Variants in RFX8 observed in about 807,000 individuals in gnomAD.
RFX8 encodes regulatory factor X8.
A neutral mutation model predicts 54.6 loss-of-function variants in RFX8; 46 were observed. The ratio of observed to expected loss-of-function variants is 0.84; its 90% CI spans 0.67 to 1.08. RFX8 has a LOEUF of 1.08. Ranked by LOEUF, RFX8 falls within the 50% of genes least tolerant of loss-of-function variation. RFX8 has a pLI of 0.00. For synonymous variants in RFX8, 192 were observed against 209.5 expected, an observed-to-expected ratio of 0.92 and a Z score of 0.72; for missense variants, 536 against 562.3, an observed-to-expected ratio of 0.95 and a Z score of 0.47.
intron 7 of RFX8, among the ~76,000 whole-genome samples, chr2:101,413,579 T>C (rs1686295494): frequency 6.6e-6 from 1 of 152,182 alleles, no homozygotes; most frequent in African/African-American, 2.4e-5. Context: ...ATGCACCTGG[T>C]TGTCCTCACA....
chr2:101,404,230 C>T (rs116325086), intron 10 of RFX8, among the ~76,000 whole-genome samples: 1,812 of 152,308 alleles, frequency 0.012, 25 homozygotes, highest in African/African-American at 0.035. Context: ...TATTCCTCCA[C>T]GGATCTGGGT....
At chr2:101,415,997 G>A (rs1686481101) in intron 6 of RFX8, among the ~76,000 whole-genome samples, 1 of 152,252 alleles carries the variant, frequency 6.6e-6, no homozygotes, top group Non-Finnish European at 1.5e-5. Flanking sequence ...AGCCTGTCTA[G>A]TGTTGCTGAA....
intron 2 of RFX8, among the ~76,000 whole-genome samples, chr2:101,424,948 T>A (rs1165196381): frequency 6.6e-6 from 1 of 151,984 alleles, no homozygotes; most frequent in Non-Finnish European, 1.5e-5. Context: ...CAAACCAACA[T>A]GGCACATGTA....
At chr2:101,439,104 C>T (rs13012980) in intron 2 of RFX8, among the ~76,000 whole-genome samples, 5 of 152,242 alleles carry the variant, frequency 3.3e-5, no homozygotes, top group East Asian at 1.9e-4. Flanking sequence ...TGAGCCACCA[C>T]GCCCGGCCTC....
At chr2:101,435,242 A>G (rs1687713184) in intron 2 of RFX8, 1 of 152,318 alleles carries the variant, frequency 6.6e-6, no homozygotes, top group African/African-American at 2.4e-5. Context: ...TGTTGAAGGC[A>G]CAGTTTTAGA....
chr2:101,425,780 A>G (rs1356561747), intron 2 of RFX8, among the ~76,000 whole-genome samples: 1 of 152,192 alleles, frequency 6.6e-6, no homozygotes. Context: ...ACAATCAGAA[A>G]CCTAAAGTAA....
At chr2:101,451,363 G>T (rs745353080) in intron 2 of RFX8, among the ~76,000 whole-genome samples, 1 of 152,096 alleles carries the variant, frequency 6.6e-6, no homozygotes, top group African/African-American at 2.4e-5. Context: ...CAAGGCACTC[G>T]ATAATACTGG....
chr2:101,436,719 G>A (rs1687802471), intron 2 of RFX8, among the ~76,000 whole-genome samples: 2 of 152,192 alleles, frequency 1.3e-5, no homozygotes, highest in African/African-American at 4.8e-5. Flanking sequence ...CGTAAAAGTC[G>A]TGTGTGAGAA....
chr2:101,461,705 G>A lies in RFX8; in HGVS notation c.72+5072C>T, dbSNP rs573865667. Among the ~76,000 whole-genome samples, 9 of 152,080 alleles carry A rather than the reference G, an allele frequency of 5.9e-5. No homozygotes were observed. The South Asian group carries it at 1.2e-3, about 21-fold the overall frequency. Reference sequence around the variant, plus strand: ...ACAGTTAAAATGAAAAAATCAACTGGGATAACTTGCAGAAAATATAATTAA... The same window carrying A: ...ACAGTTAAAATGAAAAAATCAACTGAGATAACTTGCAGAAAATATAATTAA... On this transcript the variant is annotated intron_variant, in intron 2 of 11. Transcript: ENST00000428343.
chr2:101,445,274 G>A (rs532115931), intron 2 of RFX8, among the ~76,000 whole-genome samples: 1 of 152,130 alleles, frequency 6.6e-6, no homozygotes, highest in East Asian at 1.9e-4. Flanking sequence ...CCTTTCCTCT[G>A]CCTGGAATGC....
At chr2:101,433,905 A>G (rs7558529) in intron 2 of RFX8, among the ~76,000 whole-genome samples, 51 of 152,368 alleles carry the variant, frequency 3.3e-4, no homozygotes, top group African/African-American at 1.2e-3. Context: ...TGACTTGATG[A>G]ATATTTTTAC....
At chr2:101,405,878 T>G (rs1334457389) in intron 10 of RFX8, 65 bp downstream of exon 10, 1 of 1,027,578 alleles carries the variant, frequency 9.7e-7, no homozygotes, top group African/African-American at 1.6e-5. Context: ...ATACGCAAAA[T>G]ACTTATGCCA....
intron 11 of RFX8, among the ~76,000 whole-genome samples, chr2:101,400,854 G>A (rs1488534056): frequency 6.6e-6 from 1 of 152,126 alleles, no homozygotes; most frequent in Non-Finnish European, 1.5e-5. Context: ...CCCTTGGAGG[G>A]CTCTGCCGCC....
In RFX8 at chr2:101,422,420, TCAGA is replaced by T; in HGVS notation, c.121_124del (p.Ser41AsnfsTer20). ...CTCCAGAAATGGACATCTCCTGAAT[TCAGA>T]CAAAGGGGATCCAACTGGGTCTGTC... On this transcript the variant is annotated frameshift_variant, in exon 3 of 12. Coordinates refer to ENST00000428343, the MANE Select transcript of RFX8 (RefSeq NM_001145664.2). LOFTEE classifies it high-confidence loss of function. 5.8e-6 allele frequency: 9 copies of T among 1,550,608 alleles called. No homozygotes were observed. Among genetic ancestry groups the T allele is most frequent in the Non-Finnish European group, 7.9e-6 (9 of 1,145,942 alleles).
At chr2:101,417,803 G>C (rs917466354) in intron 5 of RFX8, 119 bp from the exon 6 acceptor site, 1 of 718,858 alleles carries the variant, frequency 1.4e-6, no homozygotes, top group Non-Finnish European at 2.2e-6. Flanking sequence ...CCCCACCCAG[G>C]TTGAAGGGGC....
intron 2 of RFX8, among the ~76,000 whole-genome samples, chr2:101,461,390 C>G (rs1286728860): frequency 1.3e-5 from 2 of 152,040 alleles, no homozygotes; most frequent in African/African-American, 2.4e-5. Flanking sequence ...ACAACAGATT[C>G]TGACAACTTC....
At chr2:101,421,127 G>A in intron 4 of RFX8, 3 of 397,990 alleles carry the variant, frequency 7.5e-6, no homozygotes, top group Non-Finnish European at 1.0e-5. Flanking sequence ...CGTGCTGAAT[G>A]AGCGTTATCA....
intron 11 of RFX8, among the ~76,000 whole-genome samples, chr2:101,399,530 C>T (rs1413035138): frequency 2.0e-5 from 3 of 152,140 alleles, no homozygotes; most frequent in South Asian, 2.1e-4. Flanking sequence ...ATAGGTCAAA[C>T]CTCTTTGCAA....
intron 2 of RFX8, among the ~76,000 whole-genome samples, chr2:101,452,755 A>T (rs2148974832): frequency 6.6e-6 from 1 of 152,270 alleles, no homozygotes; most frequent in African/African-American, 2.4e-5. Flanking sequence ...TGAGGTCAGG[A>T]GTTCAAAACC....
Sources: allele counts gnomAD v4.1 joint callset (sites outside exome capture counted in the v4.1 genomes callset), GRCh38; gene constraint gnomAD v4.1.1; transcripts MANE v1.5; gene names NCBI Gene and HGNC (gene_info 2026-07-23, HGNC 2026-07-21).